LRRC37A: variants seen among roughly 807,000 people sequenced by gnomAD.
LRRC37A encodes the protein leucine-rich repeat-containing protein 37A.
In LRRC37A, 3 loss-of-function variants were observed where a neutral mutation model predicts 35.4. The observed-to-expected ratio is 0.08, with a 90% confidence interval of 0.04 to 0.22. The LOEUF is 0.22. Among genes scored for constraint, LRRC37A ranks in the 10% least tolerant of loss-of-function variants. The probability of loss-of-function intolerance (pLI) is 1.00; values close to 1 mark genes in which losing one functional copy is unlikely to be tolerated. For synonymous variants in LRRC37A, 23 were observed against 215.0 expected (o/e 0.11, Z 7.81); for missense variants, 67 against 565.3 (o/e 0.12, Z 8.94).
the LRRC37A span, among the ~76,000 whole-genome samples, chr17:46,268,010 C>G: frequency 6.6e-6 from 1 of 150,918 alleles, no homozygotes; most frequent in East Asian, 2.0e-4. Context: ...AAGCCATTCT[C>G]CTGCCCTCAG....
the LRRC37A span, chr17:46,266,917 C>T: frequency 8.3e-6 from 2 of 241,672 alleles, no homozygotes; most frequent in African/African-American, 2.4e-5. Context: ...CCCTACGCTT[C>T]CCCGCCGCCC....
chr17:46,327,304 C>T (rs2051792336), intron 7 of LRRC37A, among the ~76,000 whole-genome samples: 1 of 57,486 alleles, frequency 1.7e-5, no homozygotes, highest in South Asian at 8.5e-4. Flanking sequence ...TTGCTGGCTA[C>T]AGTGGCTCCC....
intron 5 of LRRC37A, among the ~76,000 whole-genome samples, chr17:46,314,342 CT>C (rs1420259305): frequency 2.1e-5 from 1 of 47,594 alleles, no homozygotes; most frequent in African/African-American, 5.3e-5. Flanking sequence ...GTGTAAGAGT[CT>C]TATCGTTTTG....
chr17:46,290,622 T>G (rs1204143992), upstream of LRRC37A, among the ~76,000 whole-genome samples: 1 of 151,614 alleles, frequency 6.6e-6, no homozygotes, highest in Non-Finnish European at 1.5e-5. Flanking sequence ...AATTTTTGCA[T>G]TTTTAGTACA....
At chr17:46,263,550 C>CAAA in the LRRC37A span, among the ~76,000 whole-genome samples, 58 of 63,490 alleles carry the variant, frequency 9.1e-4, 3 homozygotes, top group South Asian at 1.6e-3. Context: ...GACTCTGTCT[C>CAAA]AAAAAAAAAA....
chr17:46,268,890 T>A, the LRRC37A span, among the ~76,000 whole-genome samples: 1 of 152,250 alleles, frequency 6.6e-6, no homozygotes, highest in African/African-American at 2.4e-5. Context: ...GCTCCTGAGC[T>A]CAGTGTCAAG....
At chr17:46,260,620 C>CTTTT in the LRRC37A span, 3,701 of 1,072,218 alleles carry the variant, frequency 3.5e-3, 1 homozygote, top group Admixed American at 0.014. Context: ...TCTCTATTCT[C>CTTTT]TTTTTTTTTT....
At chr17:46,272,469 C>T in the LRRC37A span, among the ~76,000 whole-genome samples, 2 of 152,310 alleles carry the variant, frequency 1.3e-5, no homozygotes, top group East Asian at 1.9e-4. Flanking sequence ...GGCTGGAGTG[C>T]AATGGCGTGA....
At chr17:46,289,032 A>C (rs2049996405), upstream of LRRC37A, among the ~76,000 whole-genome samples, 2 of 152,138 alleles carry the variant, frequency 1.3e-5, no homozygotes, top group Non-Finnish European at 2.9e-5. Flanking sequence ...GCATTTTGCC[A>C]TACTTTTTAA....
chr17:46,274,037 A>G, the LRRC37A span, among the ~76,000 whole-genome samples: 1 of 152,242 alleles, frequency 6.6e-6, no homozygotes, highest in Non-Finnish European at 1.5e-5. Flanking sequence ...TGACGTGATG[A>G]CAATTGACTG....
chr17:46,287,449 G>A, the LRRC37A span, among the ~76,000 whole-genome samples: 9 of 152,234 alleles, frequency 5.9e-5, no homozygotes, highest in Non-Finnish European at 1.0e-4. Context: ...ACACCAAGTA[G>A]AAGTTACACT....
the LRRC37A span, among the ~76,000 whole-genome samples, chr17:46,268,036 G>A: frequency 6.6e-6 from 1 of 151,700 alleles, no homozygotes; most frequent in African/African-American, 2.4e-5. Flanking sequence ...CAAGTAGCTG[G>A]GATTACAGGC....
At chr17:46,281,015 C>T in the LRRC37A span, among the ~76,000 whole-genome samples, 2 of 119,262 alleles carry the variant, frequency 1.7e-5, no homozygotes, top group Non-Finnish European at 4.4e-5. Flanking sequence ...TTTTCTTAAA[C>T]TTTTAGATTT....
upstream of LRRC37A, chr17:46,293,879 C>A (rs1261500456): frequency 4.1e-6 from 1 of 244,214 alleles, no homozygotes; most frequent in African/African-American, 2.2e-5. Flanking sequence ...GGACTCTCTT[C>A]CATTTTATTT....
chr17:46,291,804 A>G (rs1270303654), upstream of LRRC37A, among the ~76,000 whole-genome samples: 3 of 151,754 alleles, frequency 2.0e-5, no homozygotes, highest in Non-Finnish European at 4.4e-5. Context: ...AAACACCCCA[A>G]AATTAGCCAG....
the LRRC37A span, chr17:46,275,497 T>C: frequency 1.2e-5 from 8 of 645,544 alleles, no homozygotes; most frequent in Middle Eastern, 5.7e-4. Flanking sequence ...CCAAAGTAAA[T>C]AAATCTGGAA....
chr17:46,282,227 C>T, the LRRC37A span, among the ~76,000 whole-genome samples: 4 of 152,154 alleles, frequency 2.6e-5, no homozygotes, highest in South Asian at 4.1e-4. Context: ...CTCAGCCTCC[C>T]GAGTAGCTGG....
chr17:46,267,392 A>T, the LRRC37A span: 1 of 1,604,724 alleles, frequency 6.2e-7, no homozygotes, highest in South Asian at 1.1e-5. Context: ...CTGCTGGTGG[A>T]TCGGGACGGG....
chr17:46,298,804 A>G (rs2050253064), intron 1 of LRRC37A, among the ~76,000 whole-genome samples: 2 of 74,318 alleles, frequency 2.7e-5, no homozygotes, highest in African/African-American at 3.9e-5. Context: ...ATTAAGTACT[A>G]AAAGATAATG....
Sources: allele counts gnomAD v4.1 joint callset (sites outside exome capture counted in the v4.1 genomes callset), GRCh38; gene constraint gnomAD v4.1.1; transcripts MANE v1.5; gene names NCBI Gene and HGNC (gene_info 2026-07-23, HGNC 2026-07-21).